Variants in CRB1 observed in about 807,000 individuals in gnomAD.
The protein encoded by CRB1 is protein crumbs homolog 1.
In CRB1, 83 loss-of-function variants were observed where a neutral mutation model predicts 120.0. The ratio of observed to expected loss-of-function variants is 0.69; its 90% CI spans 0.58 to 0.83. The LOEUF is 0.83. CRB1 is among the 40% of genes least tolerant of loss of function. CRB1 has a pLI of 0.00. For missense variants in CRB1, 1,699 were observed against 1,687.6 expected (o/e 1.01, Z -0.12); for synonymous variants, 625 against 612.5 (o/e 1.02, Z -0.30).
At chr1:197,354,268 C>T (rs1660294536) in intron 4 of CRB1, among the ~76,000 whole-genome samples, 1 of 152,112 alleles carries the variant, frequency 6.6e-6, no homozygotes, top group South Asian at 2.1e-4. Context: ...TACTTATGAC[C>T]CACAAATTCC....
At chr1:197,346,769 T>C (rs779971410) in intron 3 of CRB1, among the ~76,000 whole-genome samples, 12 of 152,210 alleles carry the variant, frequency 7.9e-5, no homozygotes, top group Non-Finnish European at 1.5e-4. Context: ...TAATTAGAAA[T>C]AGTAAGGCCT....
the CRB1 span, among the ~76,000 whole-genome samples, chr1:197,218,014 A>G: frequency 2.0e-5 from 3 of 152,212 alleles, no homozygotes; most frequent in East Asian, 3.8e-4. Context: ...GGGGTGATGT[A>G]AGATTTTATT....
At chr1:197,459,059 GA>G (rs933939334) in intron 11 of CRB1, among the ~76,000 whole-genome samples, 8 of 151,716 alleles carry the variant, frequency 5.3e-5, no homozygotes, top group Admixed American at 1.3e-4. Context: ...GTGATAGTGG[GA>G]AAAAAAAGTT....
chr1:197,474,558 C>T (rs965319768), intron 11 of CRB1, among the ~76,000 whole-genome samples: 1 of 152,186 alleles, frequency 6.6e-6, no homozygotes, highest in Non-Finnish European at 1.5e-5. Flanking sequence ...AACAAGGACT[C>T]GGGACCCACC....
chr1:197,254,968 A>G, the CRB1 span, among the ~76,000 whole-genome samples: 1 of 151,960 alleles, frequency 6.6e-6, no homozygotes, highest in African/African-American at 2.4e-5. Context: ...CAGTGACTTC[A>G]CTCACTGGAT....
At chr1:197,461,998 G>A (rs1289506876) in intron 11 of CRB1, among the ~76,000 whole-genome samples, 1 of 152,136 alleles carries the variant, frequency 6.6e-6, no homozygotes, top group Non-Finnish European at 1.5e-5. Context: ...AGCACAGCAT[G>A]CCATGAATTG....
chr1:197,339,347 G>T (rs1463207949), intron 2 of CRB1, among the ~76,000 whole-genome samples: 1 of 152,128 alleles, frequency 6.6e-6, no homozygotes, highest in Non-Finnish European at 1.5e-5. Context: ...GAATGCTACA[G>T]TTCCACATTG....
At chr1:197,429,203 T>A in intron 7 of CRB1, 1 of 1,503,930 alleles carries the variant, frequency 6.6e-7, no homozygotes, top group Non-Finnish European at 8.8e-7. Flanking sequence ...TGAAAAACCC[T>A]CCTTGTGCTA....
chr1:197,453,347 TAATTA>T (rs1340810649), intron 11 of CRB1, among the ~76,000 whole-genome samples: 2 of 147,354 alleles, frequency 1.4e-5, no homozygotes, highest in East Asian at 3.9e-4. Flanking sequence ...TAAATTAGTA[TAATTA>T]AATTAATATA....
chr1:197,283,754 C>T (rs1655669280), intron 1 of CRB1, among the ~76,000 whole-genome samples: 1 of 151,476 alleles, frequency 6.6e-6, no homozygotes, highest in Non-Finnish European at 1.5e-5. Flanking sequence ...ATAGGTTCTA[C>T]ATTTTCTGTA....
At chr1:197,235,344 G>T in the CRB1 span, among the ~76,000 whole-genome samples, 1 of 152,150 alleles carries the variant, frequency 6.6e-6, no homozygotes, top group Admixed American at 6.6e-5. Context: ...ATAGCAGTCA[G>T]AGAGAGAACT....
In CRB1 at chr1:197,417,033, G is replaced by T. The variant is rs116378805; in HGVS notation, c.1172-3967G>T. Among the ~76,000 whole-genome samples, 153 of 152,328 alleles carry T rather than the reference G, an allele frequency of 1.0e-3. 1 individual carries two copies. The highest frequency in any genetic ancestry group is 3.5e-3 in the African/African-American group (144 of 41,580). On this transcript the variant is annotated intron_variant, in intron 5 of 11. Transcript: ENST00000367400. ...AAAGGTTTATACTTATGTCAGGGAT[G>T]TGTGAAAATTCTTCAGAGGCAATTT... is the stretch of plus-strand genomic sequence containing the variant.
At chr1:197,422,017 C>T in intron 6 of CRB1, 61 bp downstream of exon 6, 1 of 1,480,590 alleles carries the variant, frequency 6.8e-7, no homozygotes, top group South Asian at 1.1e-5. Context: ...GCAGAAACAG[C>T]AAAAACAGCC....
At chr1:197,302,955 A>G (rs1173410684) in intron 1 of CRB1, among the ~76,000 whole-genome samples, 2 of 152,192 alleles carry the variant, frequency 1.3e-5, no homozygotes, top group Admixed American at 1.3e-4. Context: ...ACCACAAATC[A>G]CACATATTTC....
the CRB1 span, among the ~76,000 whole-genome samples, chr1:197,260,944 C>T: frequency 2.6e-5 from 4 of 152,188 alleles, no homozygotes; most frequent in Non-Finnish European, 1.5e-5. Context: ...ATCCACCCGC[C>T]TTGGCCTCCC....
At chr1:197,458,434 G>A (rs979039959) in intron 11 of CRB1, among the ~76,000 whole-genome samples, 3 of 151,994 alleles carry the variant, frequency 2.0e-5, no homozygotes, top group Admixed American at 2.0e-4. Flanking sequence ...TCCAAATTCA[G>A]TTGAGCCTGA....
intron 1 of CRB1, among the ~76,000 whole-genome samples, chr1:197,301,698 C>T (rs1656872104): frequency 6.6e-6 from 1 of 152,014 alleles, no homozygotes; most frequent in South Asian, 2.1e-4. Flanking sequence ...GCAACATTAA[C>T]AAGAGTTGGA....
rs528638394 is a variant in CRB1 at position 197,397,967 on chromosome 1, A to C, written c.1172-23033A>C. 3.9e-4 allele frequency among the ~76,000 whole-genome samples: 60 copies of C among 152,286 alleles called. 1 individual carries two copies. Among genetic ancestry groups the C allele is most frequent in the African/African-American group, 1.3e-3 (55 of 41,564 alleles). On this transcript the variant is annotated intron_variant, in intron 5 of 11. Transcript: ENST00000367400. ...ATATCAATAAACTCAACTTTAAAAAAGTGGAAGTGACCTGGACCTCTGTTG... is the reference window on the plus strand; with the variant it reads ...ATATCAATAAACTCAACTTTAAAAACGTGGAAGTGACCTGGACCTCTGTTG...
the CRB1 span, among the ~76,000 whole-genome samples, chr1:197,230,789 T>C: frequency 6.6e-6 from 1 of 152,142 alleles, no homozygotes; most frequent in African/African-American, 2.4e-5. Flanking sequence ...AAAGAAAAGG[T>C]AGAGGTGAAT....
Sources: allele counts gnomAD v4.1 joint callset (sites outside exome capture counted in the v4.1 genomes callset), GRCh38; gene constraint gnomAD v4.1.1; transcripts MANE v1.5; gene names NCBI Gene and HGNC (gene_info 2026-07-23, HGNC 2026-07-21).